SIL1: variants seen among roughly 807,000 people sequenced by gnomAD.
SIL1 encodes the protein nucleotide exchange factor SIL1.
SIL1 carries 40 observed loss-of-function variants against 49.1 expected under a neutral mutation model. The observed-to-expected ratio is 0.81, with a 90% CI of 0.63 to 1.06. The LOEUF (loss-of-function observed/expected upper bound fraction) is 1.06. Among genes scored for constraint, SIL1 ranks in the 50% least tolerant of loss-of-function variants. SIL1 has a pLI of 0.00. For synonymous variants in SIL1, 253 were observed against 250.8 expected, an observed-to-expected ratio of 1.01 and a Z score of -0.08; for missense variants, 500 against 572.6, an observed-to-expected ratio of 0.87 and a Z score of 1.29.
intron 1 of SIL1, among the ~76,000 whole-genome samples, chr5:139,134,983 C>T (rs908185551): frequency 9.9e-5 from 15 of 152,094 alleles, no homozygotes; most frequent in East Asian, 1.9e-4. Flanking sequence ...ACTGAAAGGA[C>T]GCCCCTGACA....
intron 1 of SIL1, among the ~76,000 whole-genome samples, chr5:139,176,010 T>C (rs543053113): frequency 6.6e-6 from 1 of 152,262 alleles, no homozygotes; most frequent in East Asian, 1.9e-4. Flanking sequence ...ATGACCTTTT[T>C]TGTGAGACAG....
At chr5:139,162,100 A>G (rs1751525384) in intron 1 of SIL1, among the ~76,000 whole-genome samples, 1 of 152,120 alleles carries the variant, frequency 6.6e-6, no homozygotes, top group Non-Finnish European at 1.5e-5. Flanking sequence ...TACAGCTCCC[A>G]AACATACAGG....
At chr5:139,002,210 CAA>C (rs762969876) in intron 7 of SIL1, among the ~76,000 whole-genome samples, 11 of 121,968 alleles carry the variant, frequency 9.0e-5, no homozygotes, top group Non-Finnish European at 5.3e-5. Context: ...GAACCTGTCT[CAA>C]AAAAAAAAAA....
intron 3 of SIL1, among the ~76,000 whole-genome samples, chr5:139,075,381 ACTACT>A (rs1304288547): frequency 6.6e-6 from 1 of 152,348 alleles, no homozygotes; most frequent in Admixed American, 6.5e-5. Context: ...ATTAGTCCAA[ACTACT>A]CTATAGAGGA....
At chr5:139,180,179 G>A (rs1047672838) in intron 1 of SIL1, among the ~76,000 whole-genome samples, 4 of 151,056 alleles carry the variant, frequency 2.6e-5, no homozygotes, top group Non-Finnish European at 5.9e-5. Flanking sequence ...AGGAGTTCAA[G>A]ACCAGCCTGA....
chr5:139,029,959 G>A (rs368486074), intron 5 of SIL1, among the ~76,000 whole-genome samples: 2 of 151,602 alleles, frequency 1.3e-5, no homozygotes, highest in South Asian at 4.2e-4. Context: ...GCAATAGAGT[G>A]AGACTCTGAC....
At chr5:139,141,333 T>C (rs943656703) in intron 1 of SIL1, among the ~76,000 whole-genome samples, 4 of 151,976 alleles carry the variant, frequency 2.6e-5, no homozygotes, top group African/African-American at 9.7e-5. Context: ...GGTAAAAATA[T>C]GGACTGTGGT....
At chr5:139,088,801 T>A (rs971063298) in intron 3 of SIL1, among the ~76,000 whole-genome samples, 1 of 152,234 alleles carries the variant, frequency 6.6e-6, no homozygotes, top group Non-Finnish European at 1.5e-5. Flanking sequence ...CTAACCATTT[T>A]AGCCTAATTC....
intron 3 of SIL1, among the ~76,000 whole-genome samples, chr5:139,097,421 T>C (rs1437089764): frequency 1.3e-5 from 2 of 151,900 alleles, no homozygotes; most frequent in South Asian, 2.1e-4. Flanking sequence ...CAAAAAACTA[T>C]TAGAATTAAC....
At position 139,068,775 on chromosome 5, in the gene SIL1, AT is replaced by A. The variant is rs1264758505; in HGVS notation, c.245-17730del. On this transcript the variant is annotated intron_variant, in intron 3 of 9. Coordinates refer to ENST00000394817, the MANE Select transcript of SIL1 (RefSeq NM_022464.5). ...CACATAAAAATGAGCAATAGAAAGT[AT>A]TATGGTACAATCCTATACAATAAAA... 4.6e-5 allele frequency among the ~76,000 whole-genome samples: 7 copies of A among 152,250 alleles called. No individual in the cohort carries two copies. The East Asian group carries it at 1.2e-3, about 25-fold the overall frequency.
At chr5:138,956,194 A>C (rs1343128748) in intron 7 of SIL1, among the ~76,000 whole-genome samples, 1 of 152,196 alleles carries the variant, frequency 6.6e-6, no homozygotes, top group Non-Finnish European at 1.5e-5. Context: ...CCATGCACTG[A>C]GGGCAGAGGG....
At chr5:139,083,977 G>T (rs1189717514) in intron 3 of SIL1, among the ~76,000 whole-genome samples, 1 of 108,606 alleles carries the variant, frequency 9.2e-6, no homozygotes, top group Non-Finnish European at 1.9e-5. Flanking sequence ...GTTTGTCAAA[G>T]ATCAGATAGT....
intron 3 of SIL1, among the ~76,000 whole-genome samples, chr5:139,102,361 T>C (rs1488231355): frequency 1.3e-5 from 2 of 152,188 alleles, no homozygotes; most frequent in African/African-American, 2.4e-5. Context: ...CAAGCCATAA[T>C]GTTAATTTTA....
rs1179117020 is a variant in SIL1 at position 139,193,021 on chromosome 5, A to C, written c.-11+5248T>G. On this transcript the variant is annotated intron_variant, in intron 1 of 9. Transcript: ENST00000394817. ...TCAAAAAAAAAAAAAAAAAAAAAAA[A>C]AAAACAGGAAAGGAAACGAAAAAGC... 1.0e-4 allele frequency among the ~76,000 whole-genome samples: 14 copies of C among 135,450 alleles called. No homozygotes were observed. In the East Asian group the frequency reaches 2.6e-3, roughly 25 times the overall value. The allele number at this position is 135,450 out of a possible 152,430, so 88.9% of individuals were successfully genotyped here.
chr5:138,983,115 C>G (rs1767565151), intron 7 of SIL1, among the ~76,000 whole-genome samples: 1 of 141,558 alleles, frequency 7.1e-6, no homozygotes, highest in Admixed American at 7.6e-5. Flanking sequence ...ACGAGAATCA[C>G]TTGAACCCAG....
In SIL1 at chr5:139,026,920, C is replaced by T; in HGVS notation, c.526G>A (p.Val176Ile). The change falls in exon 6 of 10, where the codon GTT becomes ATT. Residue 176 changes from valine (V) to isoleucine (I), a missense_variant. Transcript: ENST00000394817. The stretch of plus-strand genomic sequence containing the variant: ...ATCTGCATGTCAGTCTCAATGACAA[C>T]ATTCAGCTCATCAAAGTCTTTCTTC... Reference protein sequence around the residue: ...ELKKDFDELNVVIETDMQIMV... With the variant: ...ELKKDFDELNIVIETDMQIMV... 2 of 1,614,190 alleles carry T rather than the reference C, an allele frequency of 1.2e-6. No individual in the cohort carries two copies. Among genetic ancestry groups the T allele is most frequent in the East Asian group, 2.2e-5 (1 of 44,886 alleles).
intron 4 of SIL1, among the ~76,000 whole-genome samples, chr5:139,043,091 A>T (rs1027997364): frequency 6.6e-6 from 1 of 152,180 alleles, no homozygotes; most frequent in Admixed American, 6.5e-5. Context: ...AGGCCAGCTG[A>T]GTGTACTATC....
intron 3 of SIL1, among the ~76,000 whole-genome samples, chr5:139,095,268 T>TCC: frequency 8.1e-6 from 1 of 123,212 alleles, no homozygotes; most frequent in Middle Eastern, 3.8e-3. Context: ...TGGAATTCTT[T>TCC]TTTTTTTTTT....
At chr5:139,035,536 G>A (rs1768885050) in intron 5 of SIL1, 2 of 512,914 alleles carry the variant, frequency 3.9e-6, no homozygotes. Flanking sequence ...TTCGGAGACA[G>A]ACCCAGGGGG....
Sources: gnomAD v4.1 joint callset for allele counts (sites outside exome capture counted in the v4.1 genomes callset) on GRCh38, gnomAD v4.1.1 for gene constraint, MANE v1.5 for transcripts, NCBI Gene and HGNC (gene_info 2026-07-23, HGNC 2026-07-21) for gene names.